Variants in COMMD1 observed in about 807,000 individuals in gnomAD.
The protein encoded by COMMD1 is COMM domain-containing protein 1.
COMMD1 carries 10 observed loss-of-function variants against 17.2 expected under a neutral mutation model. The observed-to-expected ratio is 0.58, with a 90% confidence interval of 0.36 to 0.99. The LOEUF is 0.99. Ranked by LOEUF, COMMD1 falls within the 50% of genes least tolerant of loss-of-function variation. The pLI, the probability that COMMD1 is intolerant of heterozygous loss-of-function variation, is 0.01. For synonymous variants in COMMD1, 97 were observed against 91.6 expected, an observed-to-expected ratio of 1.06 and a Z score of -0.34; for missense variants, 270 against 231.8, an observed-to-expected ratio of 1.17 and a Z score of -1.07.
In COMMD1 at chr2:62,136,007, T is replaced by A. The variant is rs1673185362; in HGVS notation, c.*66T>A. On this transcript the variant is annotated 3_prime_UTR_variant, in exon 3 of 3. Coordinates refer to ENST00000311832, the MANE Select transcript of COMMD1 (RefSeq NM_152516.4). Reference sequence around the variant, plus strand: ...GTCCATGATCCCTCCCCACTGACCTTTTCTAAGAAAATTCTTGTGCCCGCA... The same window carrying A: ...GTCCATGATCCCTCCCCACTGACCTATTCTAAGAAAATTCTTGTGCCCGCA... The A allele has an allele frequency of 2.4e-6, 2 of 841,340 alleles. No individual in the cohort carries two copies. The highest frequency in any genetic ancestry group is 4.2e-6 in the Non-Finnish European group (2 of 480,690). 52.1% of individuals were successfully genotyped at this position (841,340 alleles called of 1,614,324 possible).
chr2:61,889,760 C>A (rs1669377712), intron 1 of COMMD1, among the ~76,000 whole-genome samples: 1 of 152,094 alleles, frequency 6.6e-6, no homozygotes, highest in African/African-American at 2.4e-5. Flanking sequence ...TGTCTAGTTA[C>A]CACCGCCCGC....
rs542929231 is a variant in COMMD1 at position 61,948,485 on chromosome 2, A to G, written c.180+42627A>G. ...TTGGGTAATACCATCTGGAGGTAGG[A>G]AAATATCACATGTGCATAATATATA... On this transcript the variant is annotated intron_variant, in intron 1 of 2. Transcript: ENST00000311832. 2.6e-4 allele frequency among the ~76,000 whole-genome samples: 40 copies of G among 152,324 alleles called. No individual in the cohort carries two copies. In the South Asian group the frequency reaches 8.3e-3, roughly 32 times the overall value.
chr2:61,920,979 A>ATTTT lies in COMMD1; in HGVS notation c.180+15122_180+15123insTTTT, dbSNP rs1239695346. ...TATATATGTGTGTATATATATATAT[A>ATTTT]TATTTTTTTTTTTTTTGAGACAGAG... On this transcript the variant is annotated intron_variant, in intron 1 of 2. Coordinates refer to ENST00000311832, the MANE Select transcript of COMMD1 (RefSeq NM_152516.4). 6.5e-3 allele frequency among the ~76,000 whole-genome samples: 855 copies of ATTTT among 131,044 alleles called. 15 individuals carry two copies. Among genetic ancestry groups the ATTTT allele is most frequent in the African/African-American group, 0.026 (827 of 32,252 alleles). 86.0% of individuals were successfully genotyped at this position (131,044 alleles called of 152,430 possible).
intron 1 of COMMD1, among the ~76,000 whole-genome samples, chr2:61,979,569 G>C (rs1671899928): frequency 6.6e-6 from 1 of 152,120 alleles, no homozygotes; most frequent in African/African-American, 2.4e-5. Flanking sequence ...ATATCGAAGA[G>C]ATATCTGCAC....
At chr2:61,976,012 G>A (rs1450393116) in intron 1 of COMMD1, among the ~76,000 whole-genome samples, 1 of 152,104 alleles carries the variant, frequency 6.6e-6, no homozygotes, top group Non-Finnish European at 1.5e-5. Context: ...CATTTCAGCT[G>A]TGTTCTGCCT....
chr2:62,090,993 A>G (rs1671810735), intron 2 of COMMD1, among the ~76,000 whole-genome samples: 1 of 152,236 alleles, frequency 6.6e-6, no homozygotes, highest in African/African-American at 2.4e-5. Flanking sequence ...TTTACCGTCC[A>G]AAAATCTCCA....
At chr2:61,957,981 A>G (rs936666060) in intron 1 of COMMD1, among the ~76,000 whole-genome samples, 8 of 152,156 alleles carry the variant, frequency 5.3e-5, no homozygotes, top group African/African-American at 1.9e-4. Context: ...GAATCTTGTG[A>G]CTGTCATTTA....
intron 2 of COMMD1, among the ~76,000 whole-genome samples, chr2:62,039,569 T>C (rs1199317786): frequency 2.0e-5 from 3 of 152,194 alleles, no homozygotes; most frequent in Non-Finnish European, 2.9e-5. Flanking sequence ...CATACCACCA[T>C]GGTTGGATAG....
At chr2:62,116,426 C>G (rs942107754) in intron 2 of COMMD1, among the ~76,000 whole-genome samples, 2 of 152,104 alleles carry the variant, frequency 1.3e-5, no homozygotes, top group African/African-American at 4.8e-5. Flanking sequence ...AATCCCAACA[C>G]TTTGGGAGGC....
intron 1 of COMMD1, among the ~76,000 whole-genome samples, chr2:61,952,018 G>C (rs996071935): frequency 6.6e-6 from 1 of 152,086 alleles, no homozygotes; most frequent in African/African-American, 2.4e-5. Context: ...TAATAAGGCT[G>C]GTATGACCAT....
chr2:61,964,561 G>A (rs1038857119), intron 1 of COMMD1, among the ~76,000 whole-genome samples: 4 of 151,788 alleles, frequency 2.6e-5, no homozygotes, highest in Non-Finnish European at 4.4e-5. Context: ...GAGGCTGGGC[G>A]TGGTGGCTAA....
Position 61,905,882 on chromosome 2 carries a change from C to G in COMMD1, c.180+24C>G, listed in dbSNP as rs543358602. 13 of 1,612,864 alleles carry G rather than the reference C, an allele frequency of 8.1e-6. 1 individual carries two copies. In the South Asian group the frequency reaches 1.1e-4, roughly 14 times the overall value. On this transcript the variant is annotated intron_variant, in intron 1 of 2. Transcript: ENST00000311832. ...AGGTACTGCTCTTTTCTGTAGTCTC[C>G]GGCTTGGAGCAGAACCCCTTGGCCG...
chr2:62,060,706 C>A (rs972319833), intron 2 of COMMD1, among the ~76,000 whole-genome samples: 3 of 152,042 alleles, frequency 2.0e-5, no homozygotes, highest in Admixed American at 2.0e-4. Context: ...ATCTGAAAAT[C>A]TTGTTATTTC....
At chr2:62,086,612 CT>C (rs1372650190) in intron 2 of COMMD1, among the ~76,000 whole-genome samples, 2 of 152,190 alleles carry the variant, frequency 1.3e-5, no homozygotes, top group African/African-American at 4.8e-5. Context: ...ATAATGGCCC[CT>C]CTCATCAAAA....
At chr2:61,900,644 C>A (rs747983231) in intron 1 of COMMD1, among the ~76,000 whole-genome samples, 4 of 152,118 alleles carry the variant, frequency 2.6e-5, no homozygotes, top group Non-Finnish European at 4.4e-5. Context: ...TGGGTGGAAA[C>A]ACAATTTTCA....
intron 1 of COMMD1, among the ~76,000 whole-genome samples, chr2:61,990,371 G>GT (rs1672215452): frequency 6.6e-6 from 1 of 152,134 alleles, no homozygotes; most frequent in Non-Finnish European, 1.5e-5. Flanking sequence ...GATAATTATA[G>GT]TTTGACATAG....
chr2:61,913,886 A>AC (rs1252948909), intron 1 of COMMD1, among the ~76,000 whole-genome samples: 14 of 149,760 alleles, frequency 9.3e-5, no homozygotes, highest in Non-Finnish European at 1.9e-4. Flanking sequence ...AATATTTGGA[A>AC]CCCCCCTGGG....
rs577345591 is a variant in COMMD1 at position 62,074,333 on chromosome 2, C to T, written c.463-61498C>T. ...AATATTAACTGGCTCAAAGCCCCAT[C>T]CCTGTAATCACATGGTTGGTCTTTC... On this transcript the variant is annotated intron_variant, in intron 2 of 2. Transcript: ENST00000311832. 1.1e-4 allele frequency among the ~76,000 whole-genome samples: 17 copies of T among 152,356 alleles called. No homozygotes were observed. In the South Asian group the frequency reaches 3.3e-3, roughly 30 times the overall value.
chr2:62,059,935 A>G (rs1290480397), intron 2 of COMMD1, among the ~76,000 whole-genome samples: 1 of 147,974 alleles, frequency 6.8e-6, no homozygotes, highest in African/African-American at 2.5e-5. Flanking sequence ...TTACAGCTTA[A>G]TGAATTTTGG....
Sources: allele counts gnomAD v4.1 joint callset (sites outside exome capture counted in the v4.1 genomes callset), GRCh38; gene constraint gnomAD v4.1.1; transcripts MANE v1.5; gene names NCBI Gene and HGNC (gene_info 2026-07-23, HGNC 2026-07-21).